The following PTPRD variants were observed in gnomAD, a reference collection of about 807,000 sequenced individuals.
The protein encoded by PTPRD is protein tyrosine phosphatase receptor type D.
A neutral mutation model predicts 214.5 loss-of-function variants in PTPRD; 34 were observed. The observed-to-expected ratio is 0.16, with a 90% CI of 0.12 to 0.21. The LOEUF is 0.21. Ranked by LOEUF, PTPRD falls within the 10% of genes least tolerant of loss-of-function variation. PTPRD has a pLI of 1.00. For synonymous variants in PTPRD, 1,128 were observed against 845.7 expected, an observed-to-expected ratio of 1.33 and a Z score of -5.79; for missense variants, 2,545 against 2,398.7, an observed-to-expected ratio of 1.06 and a Z score of -1.27.
At chr9:10,224,198 A>C (rs1239851282) in intron 3 of PTPRD, among the ~76,000 whole-genome samples, 1 of 152,018 alleles carries the variant, frequency 6.6e-6, no homozygotes, top group Non-Finnish European at 1.5e-5. Context: ...ACCACTATAT[A>C]AATTATCTTA....
chr9:10,195,369 A>G (rs1299268770), intron 3 of PTPRD, among the ~76,000 whole-genome samples: 4 of 151,976 alleles, frequency 2.6e-5, no homozygotes, highest in Admixed American at 1.3e-4. Context: ...AGAGACCCCA[A>G]TTTTAGATGG....
In PTPRD at chr9:10,383,731, G is replaced by C. The variant is rs184165346; in HGVS notation, c.-599-42714C>G. On this transcript the variant is annotated intron_variant, in intron 2 of 45. Transcript: ENST00000381196. ...TAGAATCTCTAGCAATAAGATTTTG[G>C]GTCATCGTCATCCTATAGACTTCAA... Among the ~76,000 whole-genome samples, 8 of 151,658 alleles carry C rather than the reference G, an allele frequency of 5.3e-5. No individual in the cohort carries two copies. The East Asian group carries it at 1.4e-3, about 26-fold the overall frequency.
At chr9:9,417,552 A>G (rs1383245059) in intron 8 of PTPRD, among the ~76,000 whole-genome samples, 1 of 152,088 alleles carries the variant, frequency 6.6e-6, no homozygotes, top group Non-Finnish European at 1.5e-5. Flanking sequence ...CTAATTAGCC[A>G]TCATATTTAG....
At chr9:10,502,675 T>G (rs2133292203) in intron 2 of PTPRD, among the ~76,000 whole-genome samples, 1 of 152,204 alleles carries the variant, frequency 6.6e-6, no homozygotes, top group South Asian at 2.1e-4. Flanking sequence ...CACACATACA[T>G]ACACAGATAC....
chr9:9,918,637 A>G (rs1400784363), intron 5 of PTPRD, among the ~76,000 whole-genome samples: 2 of 152,260 alleles, frequency 1.3e-5, no homozygotes, highest in East Asian at 3.9e-4. Context: ...GCGTGACGCT[A>G]CCAGACTTCA....
chr9:9,765,561 T>A (rs986260098), intron 6 of PTPRD, among the ~76,000 whole-genome samples: 7 of 152,208 alleles, frequency 4.6e-5, no homozygotes, highest in African/African-American at 7.2e-5. Context: ...GAGAAACCCT[T>A]GTCAGACATT....
chr9:9,688,374 T>C (rs988187901), intron 7 of PTPRD, among the ~76,000 whole-genome samples: 100 of 151,876 alleles, frequency 6.6e-4, no homozygotes, highest in Non-Finnish European at 2.1e-4. Flanking sequence ...TTTATGCCAA[T>C]GTACCTAGGA....
At chr9:8,381,417 G>A (rs966938962) in intron 37 of PTPRD, among the ~76,000 whole-genome samples, 9 of 152,098 alleles carry the variant, frequency 5.9e-5, no homozygotes, top group South Asian at 2.1e-4. Flanking sequence ...GATTTTCCAC[G>A]ATAAGGACAG....
At chr9:8,581,130 T>C (rs995030317) in intron 14 of PTPRD, among the ~76,000 whole-genome samples, 11 of 152,102 alleles carry the variant, frequency 7.2e-5, no homozygotes, top group Non-Finnish European at 4.4e-5. Flanking sequence ...ACCTGGAAGC[T>C]GGAACAGAGA....
At chr9:9,122,821 T>C (rs2099818879) in intron 10 of PTPRD, among the ~76,000 whole-genome samples, 1 of 151,862 alleles carries the variant, frequency 6.6e-6, no homozygotes, top group South Asian at 2.1e-4. Context: ...CTGGGAAAAC[T>C]CATCTCCTCC....
At chr9:10,585,695 G>T (rs900045693) in intron 2 of PTPRD, among the ~76,000 whole-genome samples, 1 of 144,350 alleles carries the variant, frequency 6.9e-6, no homozygotes, top group Non-Finnish European at 1.5e-5. Context: ...GAGCATTAGA[G>T]AAATAGTATA....
chr9:9,795,490 A>G (rs2098996212), intron 5 of PTPRD, among the ~76,000 whole-genome samples: 1 of 152,184 alleles, frequency 6.6e-6, no homozygotes, highest in African/African-American at 2.4e-5. Flanking sequence ...AAGTCTGAGG[A>G]AAATTCGTAT....
intron 39 of PTPRD, among the ~76,000 whole-genome samples, chr9:8,368,642 A>G (rs1381015734): frequency 7.0e-6 from 1 of 143,510 alleles, no homozygotes; most frequent in Non-Finnish European, 1.5e-5. Context: ...TACACTTTAT[A>G]CCTACTGGGG....
At chr9:10,086,498 A>C (rs758128187) in intron 3 of PTPRD, among the ~76,000 whole-genome samples, 1 of 151,770 alleles carries the variant, frequency 6.6e-6, no homozygotes, top group Non-Finnish European at 1.5e-5. Flanking sequence ...TTCACATTAG[A>C]TAGGTCTGTG....
At chr9:9,685,227 G>A (rs1412584989) in intron 7 of PTPRD, among the ~76,000 whole-genome samples, 1 of 150,154 alleles carries the variant, frequency 6.7e-6, no homozygotes, top group African/African-American at 2.4e-5. Flanking sequence ...CATTAAATGT[G>A]TGGTTATTTT....
chr9:8,395,229 A>G (rs555088620), intron 36 of PTPRD, among the ~76,000 whole-genome samples: 609 of 152,278 alleles, frequency 4.0e-3, no homozygotes, highest in Non-Finnish European at 6.7e-3. Context: ...GCTACCTTTC[A>G]TTTGTTAATG....
At chr9:10,270,320 T>C (rs528656746) in intron 3 of PTPRD, among the ~76,000 whole-genome samples, 68 of 152,308 alleles carry the variant, frequency 4.5e-4, no homozygotes, top group African/African-American at 1.6e-3. Flanking sequence ...TATTACAACA[T>C]ATTTGTAAAA....
At chr9:8,615,895 A>G (rs1207418182) in intron 14 of PTPRD, among the ~76,000 whole-genome samples, 1 of 152,154 alleles carries the variant, frequency 6.6e-6, no homozygotes, top group African/African-American at 2.4e-5. Flanking sequence ...TCAATGAAAT[A>G]TCAATATATG....
At chr9:8,362,055 T>G (rs1194536564) in intron 39 of PTPRD, among the ~76,000 whole-genome samples, 2 of 152,374 alleles carry the variant, frequency 1.3e-5, no homozygotes, top group East Asian at 1.9e-4. Flanking sequence ...GCAAGAGGTA[T>G]GTAGACCACC....
Sources: gnomAD v4.1 joint callset for allele counts (sites outside exome capture counted in the v4.1 genomes callset) on GRCh38, gnomAD v4.1.1 for gene constraint, MANE v1.5 for transcripts, NCBI Gene and HGNC (gene_info 2026-07-23, HGNC 2026-07-21) for gene names.